The following EDIL3 variants were observed in gnomAD, a reference collection of about 807,000 sequenced individuals.
The protein encoded by EDIL3 is EGF-like repeat and discoidin I-like domain-containing protein 3.
EDIL3 carries 37 observed loss-of-function variants against 67.4 expected under a neutral mutation model. The ratio of observed to expected loss-of-function variants is 0.55; its 90% CI spans 0.42 to 0.72. The LOEUF is 0.72. EDIL3 is among the 30% of genes least tolerant of loss of function. The pLI is 0.00. For missense variants in EDIL3, 527 were observed against 586.3 expected, an observed-to-expected ratio of 0.90 and a Z score of 1.04; for synonymous variants, 195 against 196.3, an observed-to-expected ratio of 0.99 and a Z score of 0.05.
At chr5:84,239,440 C>CT (rs573138726) in intron 2 of EDIL3, among the ~76,000 whole-genome samples, 79 of 149,560 alleles carry the variant, frequency 5.3e-4, no homozygotes, top group Non-Finnish European at 6.5e-4. Context: ...TCAGCTACAT[C>CT]TTTTTTTTTT....
chr5:84,263,809 A>T (rs1446596164), intron 1 of EDIL3, among the ~76,000 whole-genome samples: 1 of 152,236 alleles, frequency 6.6e-6, no homozygotes, highest in Admixed American at 6.5e-5. Context: ...TAAAGAAAAC[A>T]GTGGAGAAGG....
intron 1 of EDIL3, among the ~76,000 whole-genome samples, chr5:84,326,284 T>G (rs1247419023): frequency 6.6e-6 from 1 of 152,058 alleles, no homozygotes; most frequent in East Asian, 1.9e-4. Context: ...ACTGTGGTAT[T>G]CTGCTATAGC....
chr5:84,294,161 A>G (rs1745988210), intron 1 of EDIL3, among the ~76,000 whole-genome samples: 1 of 150,496 alleles, frequency 6.6e-6, no homozygotes, highest in South Asian at 2.1e-4. Context: ...AGACGGGTGG[A>G]TCACGAGGTC....
chr5:84,026,399 T>A (rs1455225380), intron 9 of EDIL3, among the ~76,000 whole-genome samples: 1 of 152,204 alleles, frequency 6.6e-6, no homozygotes, highest in African/African-American at 2.4e-5. Flanking sequence ...TTTGTTTCCA[T>A]CTTTCTTTTT....
At chr5:84,285,377 G>T (rs1745789274) in intron 1 of EDIL3, among the ~76,000 whole-genome samples, 1 of 152,154 alleles carries the variant, frequency 6.6e-6, no homozygotes, top group South Asian at 2.1e-4. Flanking sequence ...CCTACATATT[G>T]ATTTGCTAAT....
chr5:84,014,170 T>C (rs1225066759), intron 9 of EDIL3, among the ~76,000 whole-genome samples: 1 of 152,194 alleles, frequency 6.6e-6, no homozygotes, highest in East Asian at 1.9e-4. Context: ...GGAGCTGGCA[T>C]TGTATAAATA....
At chr5:83,988,339 G>A (rs985558185) in intron 9 of EDIL3, among the ~76,000 whole-genome samples, 14 of 152,224 alleles carry the variant, frequency 9.2e-5, no homozygotes, top group African/African-American at 2.4e-4. Flanking sequence ...ACAAATGCAA[G>A]TCAGTTTTAT....
At chr5:84,158,013 C>T (rs1489727674) in intron 4 of EDIL3, among the ~76,000 whole-genome samples, 1 of 152,026 alleles carries the variant, frequency 6.6e-6, no homozygotes, top group East Asian at 1.9e-4. Flanking sequence ...AACAAAGCAG[C>T]ATGCTGCATA....
intron 9 of EDIL3, among the ~76,000 whole-genome samples, chr5:83,983,942 C>G (rs1287969485): frequency 6.6e-6 from 1 of 151,978 alleles, no homozygotes; most frequent in African/African-American, 2.4e-5. Context: ...AAGTAAGCGT[C>G]AGAATCAGGA....
At chr5:84,294,399 A>AG (rs1209288311) in intron 1 of EDIL3, among the ~76,000 whole-genome samples, 3 of 151,100 alleles carry the variant, frequency 2.0e-5, no homozygotes, top group Admixed American at 2.0e-4. Flanking sequence ...AAAAAAAAAA[A>AG]AAAAAAAAAA....
chr5:84,332,635 T>C (rs1746896514), intron 1 of EDIL3, among the ~76,000 whole-genome samples: 1 of 152,162 alleles, frequency 6.6e-6, no homozygotes, highest in Admixed American at 6.5e-5. Flanking sequence ...AGGGCAAGTC[T>C]GGTTGTATTA....
At chr5:84,167,923 A>C (rs1748738928) in intron 4 of EDIL3, among the ~76,000 whole-genome samples, 1 of 152,188 alleles carries the variant, frequency 6.6e-6, no homozygotes, top group Admixed American at 6.5e-5. Context: ...TCCTTTACTT[A>C]TCAACCAAAA....
At chr5:84,142,419 T>C (rs1276266753) in intron 4 of EDIL3, among the ~76,000 whole-genome samples, 2 of 152,132 alleles carry the variant, frequency 1.3e-5, no homozygotes, top group East Asian at 3.9e-4. Flanking sequence ...AGTAATTAAT[T>C]AGTTTGTTTT....
At chr5:84,292,326 A>G (rs1301016217) in intron 1 of EDIL3, among the ~76,000 whole-genome samples, 1 of 152,204 alleles carries the variant, frequency 6.6e-6, no homozygotes, top group Non-Finnish European at 1.5e-5. Flanking sequence ...TTCAAAATTT[A>G]GAGGTTGTTT....
chr5:84,295,380 T>C (rs562481101), intron 1 of EDIL3, among the ~76,000 whole-genome samples: 3 of 151,998 alleles, frequency 2.0e-5, no homozygotes, highest in Non-Finnish European at 4.4e-5. Context: ...CAATGGTACT[T>C]ATACTTAAAA....
chr5:84,243,929 A>G (rs1167194505), intron 2 of EDIL3, among the ~76,000 whole-genome samples: 2 of 152,314 alleles, frequency 1.3e-5, no homozygotes, highest in East Asian at 3.9e-4. Flanking sequence ...ATGTACTTTA[A>G]GCATATGGAT....
chr5:83,988,774 T>C (rs1292459057), intron 9 of EDIL3, among the ~76,000 whole-genome samples: 1 of 152,162 alleles, frequency 6.6e-6, no homozygotes, highest in Non-Finnish European at 1.5e-5. Flanking sequence ...AGTCAAAACA[T>C]GTTTGTTCCT....
intron 1 of EDIL3, among the ~76,000 whole-genome samples, chr5:84,355,663 G>A (rs989046273): frequency 3.9e-5 from 6 of 152,106 alleles, no homozygotes; most frequent in Admixed American, 6.5e-5. Flanking sequence ...TGGAAGCTTC[G>A]TCCCAGAGGG....
intron 1 of EDIL3, among the ~76,000 whole-genome samples, chr5:84,258,731 C>T (rs1414142586): frequency 6.6e-6 from 1 of 152,080 alleles, no homozygotes; most frequent in African/African-American, 2.4e-5. Flanking sequence ...CTTTATACGG[C>T]CATAATCTCA....
Sources: allele counts gnomAD v4.1 joint callset (sites outside exome capture counted in the v4.1 genomes callset), GRCh38; gene constraint gnomAD v4.1.1; transcripts MANE v1.5; gene names NCBI Gene and HGNC (gene_info 2026-07-23, HGNC 2026-07-21).